The following MEGF8 variants were observed in gnomAD, a reference collection of about 807,000 sequenced individuals.
MEGF8 encodes the protein multiple epidermal growth factor-like domains protein 8.
Under a neutral mutation model 302.9 loss-of-function variants are expected in MEGF8, and 156 were observed. The ratio of observed to expected loss-of-function variants is 0.52; its 90% CI spans 0.45 to 0.59. MEGF8 has a LOEUF of 0.59. MEGF8 is among the 20% of genes least tolerant of loss of function. MEGF8 has a pLI of 0.00. For synonymous variants in MEGF8, 1,621 were observed against 1,660.5 expected (o/e 0.98, Z 0.58); for missense variants, 3,345 against 3,964.5 (o/e 0.84, Z 4.20).
Position 42,356,263 on chromosome 19 carries a change from C to A in MEGF8, c.4503+70C>A. 6.5e-7 allele frequency: 1 copy of A among 1,530,024 alleles called. No individual in the cohort carries two copies. The highest frequency in any genetic ancestry group is 1.2e-5 in the South Asian group (1 of 81,308). The allele number at this position is 1,530,024 out of a possible 1,614,324, so 94.8% of individuals were successfully genotyped here. On this transcript the variant is annotated intron_variant, in intron 25 of 41. Transcript: ENST00000251268. The surrounding 1 kb of genome is among the most constrained non-coding windows in gnomAD (Gnocchi z 5.2). ...CGTTCTCCCACCTCCATTCCTGGGA[C>A]CACCCCTACACCCAGGCCTGGCACT...
At chr19:42,341,259 G>C (rs536818509) in intron 8 of MEGF8, among the ~76,000 whole-genome samples, 1 of 152,124 alleles carries the variant, frequency 6.6e-6, no homozygotes, top group Non-Finnish European at 1.5e-5. Flanking sequence ...GTGAAACCCT[G>C]TCTCTACTAA....
rs765644603 is a variant in MEGF8 at position 42,353,728 on chromosome 19, G to A, written c.3762-47G>A. On this transcript the variant is annotated intron_variant, in intron 21 of 41. Coordinates refer to ENST00000251268, the MANE Select transcript of MEGF8 (RefSeq NM_001271938.2). This position sits in a 1 kb window ranked among gnomAD's most constrained non-coding sequence, Gnocchi z 6.1. Reference sequence around the variant, plus strand: ...GTAGGGTGTGCTTGGGGACACAGTGGGGAGGGTCAGGACTGGTCTGACACT... The same window carrying A: ...GTAGGGTGTGCTTGGGGACACAGTGAGGAGGGTCAGGACTGGTCTGACACT... The A allele has an allele frequency of 6.4e-7, 1 of 1,573,448 alleles. No individual in the cohort carries two copies. Among genetic ancestry groups the A allele is most frequent in the Non-Finnish European group, 8.7e-7 (1 of 1,154,522 alleles).
Position 42,353,883 on chromosome 19 carries a change from C to T in MEGF8, c.3870C>T (p.Gly1290=), listed in dbSNP as rs1568567626. 13 of 1,597,234 alleles carry T rather than the reference C, an allele frequency of 8.1e-6. No individual in the cohort carries two copies. Among genetic ancestry groups the T allele is most frequent in the Middle Eastern group, 1.7e-4 (1 of 6,034 alleles). ...RRVGGLLPPG[G]GAARAGPGLS... ...TCGGGGGGCTGCTGCCTCCAGGTGG[C>T]GGGGCTGCAAGAGCCGGGCCTGGCC... Residue 1290 remains glycine, a synonymous_variant, in exon 22 of 42, where the codon GGC becomes GGT. Transcript: ENST00000251268. The surrounding 1 kb of genome is among the most constrained non-coding windows in gnomAD (Gnocchi z 6.1).
Position 42,354,565 on chromosome 19 carries a change from T to TCCTCGATTCTGCAC in MEGF8, c.4012-20_4012-7dup. ...CGTTCTCATCCTCATTGTCTCCTAA[T>TCCTCGATTCTGCAC]CCTCGATTCTGCACCCCTCTAGCTG... On this transcript the variant is annotated intron_variant, in intron 22 of 41. Coordinates refer to ENST00000251268, the MANE Select transcript of MEGF8 (RefSeq NM_001271938.2). This position sits in a 1 kb window ranked among gnomAD's most constrained non-coding sequence, Gnocchi z 4.3. 6.3e-7 allele frequency: 1 copy of TCCTCGATTCTGCAC among 1,599,528 alleles called. No individual in the cohort carries two copies. The highest frequency in any genetic ancestry group is 8.5e-7 in the Non-Finnish European group (1 of 1,169,882).
At chr19:42,362,248 A>G (rs1415770624) in intron 33 of MEGF8, 35 bp downstream of exon 33, 1 of 1,609,884 alleles carries the variant, frequency 6.2e-7, no homozygotes, top group Non-Finnish European at 8.5e-7. Flanking sequence ...GAGAAGCAGC[A>G]GGTGTAGGGC....
chr19:42,375,445 T>C lies in MEGF8; in HGVS notation c.7270-62T>C. The C allele has an allele frequency of 6.8e-7, 1 of 1,464,734 alleles. No homozygotes were observed. Among genetic ancestry groups the C allele is most frequent in the South Asian group, 1.3e-5 (1 of 74,150 alleles). The allele number at this position is 1,464,734 out of a possible 1,614,324, so 90.7% of individuals were successfully genotyped here. On this transcript the variant is annotated intron_variant, in intron 41 of 41. Coordinates refer to ENST00000251268, the MANE Select transcript of MEGF8 (RefSeq NM_001271938.2). The surrounding 1 kb of genome is among the most constrained non-coding windows in gnomAD (Gnocchi z 7.1). ...GGTATAGAGTATTCGTCACTGCTGC[T>C]TGGGGGACAGGCTGGCACCGCACTC...
chr19:42,359,377 A>G (rs1469380293), intron 31 of MEGF8, 135 bp downstream of exon 31: 2 of 726,782 alleles, frequency 2.8e-6, no homozygotes, highest in African/African-American at 3.7e-5. Flanking sequence ...CTTCTGGATT[A>G]TCTGAACACC....
At chr19:42,333,345 T>A (rs920841562) in intron 1 of MEGF8, among the ~76,000 whole-genome samples, 19 of 152,186 alleles carry the variant, frequency 1.2e-4, no homozygotes, top group African/African-American at 4.3e-4. Context: ...GGAGTGTTCA[T>A]TCTGATCTCA....
At chr19:42,340,952 G>A (rs1475873096) in intron 8 of MEGF8, among the ~76,000 whole-genome samples, 1 of 152,162 alleles carries the variant, frequency 6.6e-6, no homozygotes, top group African/African-American at 2.4e-5. Context: ...ACAGGCATGA[G>A]CCACCACGCC....
Position 42,354,267 on chromosome 19 carries a change from A to T in MEGF8, c.4011+243A>T, listed in dbSNP as rs2039420567. Among the ~76,000 whole-genome samples, 1 of 151,538 alleles carries T rather than the reference A, an allele frequency of 6.6e-6. No homozygotes were observed. The highest frequency in any genetic ancestry group is 6.6e-5 in the Admixed American group (1 of 15,228). On this transcript the variant is annotated intron_variant, in intron 22 of 41. Coordinates refer to ENST00000251268, the MANE Select transcript of MEGF8 (RefSeq NM_001271938.2). The surrounding 1 kb of genome is among the most constrained non-coding windows in gnomAD (Gnocchi z 4.3). ...CCCATCTCCAATTCTCCAGATTCTC[A>T]ATCTCCCCATTCCTAGAGCAGGAAT...
chr19:42,375,666 C>T lies in MEGF8; in HGVS notation c.7429C>T (p.Leu2477Phe), dbSNP rs1216649356. The change falls in exon 42 of 42, where the codon CTC becomes TTC. Residue 2477 changes from leucine to phenylalanine, a missense_variant. Physicochemically the swap from Leu to Phe is conservative, Grantham distance 22. Coordinates refer to ENST00000251268, the MANE Select transcript of MEGF8 (RefSeq NM_001271938.2). This position sits in a 1 kb window ranked among gnomAD's most constrained non-coding sequence, Gnocchi z 7.1. ...RRALGPGRTV[L>F]FGVQPKFTNV... ...GGCGCTAGGCCCCGGCCGCACTGTC[C>T]TCTTTGGCGTGCAGCCCAAATTCAC... 7 of 1,610,734 alleles carry T rather than the reference C, an allele frequency of 4.3e-6. No individual in the cohort carries two copies. The highest frequency in any genetic ancestry group is 5.9e-6 in the Non-Finnish European group (7 of 1,178,984).
rs1010520813 is a variant in MEGF8 at position 42,369,933 on chromosome 19, G to T, written c.6834+210G>T. ...GGTCTGCCCTGGAATAGTGGACGGA[G>T]TGGGTGCTGCGCCAGGAGGACAGGC... On this transcript the variant is annotated intron_variant, in intron 38 of 41. Transcript: ENST00000251268. The surrounding 1 kb of genome is among the most constrained non-coding windows in gnomAD (Gnocchi z 5.7). Among the ~76,000 whole-genome samples the T allele has an allele frequency of 1.3e-5, 2 of 152,244 alleles. No individual in the cohort carries two copies. Among genetic ancestry groups the T allele is most frequent in the Admixed American group, 1.3e-4 (2 of 15,292 alleles).
Position 42,374,529 on chromosome 19 carries a change from G to A in MEGF8, c.7270-978G>A, listed in dbSNP as rs189903059. 1.9e-4 allele frequency among the ~76,000 whole-genome samples: 29 copies of A among 151,406 alleles called. No homozygotes were observed. The East Asian group carries it at 5.2e-3, about 27-fold the overall frequency. Reference sequence around the variant, plus strand: ...GATCAGGTGGTCAGTTAGGCTTGGTGCCTGGAGTGACCCTGGTCTGATCTC... The same window carrying A: ...GATCAGGTGGTCAGTTAGGCTTGGTACCTGGAGTGACCCTGGTCTGATCTC... On this transcript the variant is annotated intron_variant, in intron 41 of 41. Coordinates refer to ENST00000251268, the MANE Select transcript of MEGF8 (RefSeq NM_001271938.2).
In MEGF8 at chr19:42,375,968, C is replaced by T. The variant is rs3745237; in HGVS notation, c.7731C>T (p.Tyr2577=). The change falls in exon 42 of 42, where the codon TAC becomes TAT. Residue 2577 remains tyrosine, a synonymous_variant. Transcript: ENST00000251268. The surrounding 1 kb of genome is among the most constrained non-coding windows in gnomAD (Gnocchi z 7.1). ...TATGGCCGCGGGGCCTGATTACCTA[C>T]GTGACGGTGACGGAGCCGTCGGCAG... is the stretch of plus-strand genomic sequence containing the variant. ...REVWPRGLIT[Y]VTVTEPSAVL... The T allele has an allele frequency of 1.9e-3, 3,015 of 1,606,896 alleles. 76 individuals are homozygous for T. In the East Asian group the frequency reaches 0.059, roughly 31 times the overall value.
rs1370641118 is a variant in MEGF8, at chr19:42,344,237, C to G, written c.1788+164C>G. 2.6e-5 allele frequency among the ~76,000 whole-genome samples: 4 copies of G among 152,190 alleles called. No homozygotes were observed. In the East Asian group the frequency reaches 7.7e-4, roughly 29 times the overall value. On this transcript the variant is annotated intron_variant, in intron 10 of 41. Coordinates refer to ENST00000251268, the MANE Select transcript of MEGF8 (RefSeq NM_001271938.2). The surrounding 1 kb of genome is among the most constrained non-coding windows in gnomAD (Gnocchi z 4.5). ...CTGACTGCGGAGCCCTGAACCTTTGCCTATCCCACCCAGCCCGACCCTTTT... is the reference window on the plus strand; with the variant it reads ...CTGACTGCGGAGCCCTGAACCTTTGGCTATCCCACCCAGCCCGACCCTTTT...
chr19:42,334,891 C>A, intron 3 of MEGF8, 144 bp from the exon 4 acceptor site: 4 of 782,426 alleles, frequency 5.1e-6, no homozygotes, highest in Non-Finnish European at 7.8e-6. Flanking sequence ...CCTTTTCCAT[C>A]CTCTCCCTTC....
chr19:42,375,996 C>T lies in MEGF8; in HGVS notation c.7759C>T (p.Leu2587=). The change falls in exon 42 of 42, where the codon CTG becomes TTG. Residue 2587 remains leucine (L), a synonymous_variant. Transcript: ENST00000251268. This position sits in a 1 kb window ranked among gnomAD's most constrained non-coding sequence, Gnocchi z 7.1. ...YVTVTEPSAV[L]VVRGVRDRLV... The stretch of plus-strand genomic sequence containing the variant: ...GACGGTGACGGAGCCGTCGGCAGTG[C>T]TGGTGGTCCGCGGCGTGCGGGACCG... 1 of 1,606,896 alleles carries T rather than the reference C, an allele frequency of 6.2e-7. No individual in the cohort carries two copies. Among genetic ancestry groups the T allele is most frequent in the African/African-American group, 1.3e-5 (1 of 75,012 alleles).
chr19:42,366,649 A>G (rs551127568), intron 35 of MEGF8, among the ~76,000 whole-genome samples: 86 of 152,270 alleles, frequency 5.6e-4, no homozygotes, highest in Non-Finnish European at 8.2e-4. Flanking sequence ...GTGCTTTGCT[A>G]GGCAGTGGGG....
Position 42,353,965 on chromosome 19 carries a change from G to A in MEGF8, c.3952G>A (p.Gly1318Arg), listed in dbSNP as rs766409677. 13 of 1,581,802 alleles carry A rather than the reference G, an allele frequency of 8.2e-6. No homozygotes were observed. The highest frequency in any genetic ancestry group is 1.7e-4 in the Middle Eastern group (1 of 6,024). ...ATEELQPCAP[G>R]TLCPPLTLTF... ...TGAGGAGCTACAGCCCTGTGCTCCC[G>A]GGACCCTCTGTCCCCCACTCACCCT... The change falls in exon 22 of 42, where the codon GGG (glycine) becomes AGG (arginine). Residue 1318 changes from glycine to arginine, a missense_variant. Coordinates refer to ENST00000251268, the MANE Select transcript of MEGF8 (RefSeq NM_001271938.2). This position sits in a 1 kb window ranked among gnomAD's most constrained non-coding sequence, Gnocchi z 6.1.
Sources: gnomAD v4.1 joint callset for allele counts (sites outside exome capture counted in the v4.1 genomes callset) on GRCh38, gnomAD v4.1.1 for gene constraint, Gnocchi (gnomAD v3.1) non-coding constraint, MANE v1.5 for transcripts, NCBI Gene and HGNC (gene_info 2026-07-23, HGNC 2026-07-21) for gene names.